The following EYS variants were observed in gnomAD, a reference collection of about 807,000 sequenced individuals.
EYS encodes the protein protein eyes shut homolog.
A neutral mutation model predicts 282.1 loss-of-function variants in EYS; 250 were observed. The ratio of observed to expected loss-of-function variants is 0.89; its 90% CI spans 0.80 to 0.98. EYS has a LOEUF of 0.98. Ranked by LOEUF, EYS falls within the 50% of genes least tolerant of loss-of-function variation. EYS has a pLI of 0.00. For missense variants in EYS, 4,016 were observed against 3,709.0 expected (o/e 1.08, Z -2.15); for synonymous variants, 1,355 against 1,282.9 (o/e 1.06, Z -1.20).
At chr6:65,490,824 G>A in intron 4 of EYS, 117 bp from the exon 5 acceptor site, 1 of 689,526 alleles carries the variant, frequency 1.5e-6, no homozygotes, top group Non-Finnish European at 2.6e-6. Context: ...TTTCAGTTAT[G>A]AAACCATGTT....
At chr6:64,469,657 G>A (rs1776045699) in intron 26 of EYS, among the ~76,000 whole-genome samples, 1 of 151,990 alleles carries the variant, frequency 6.6e-6, no homozygotes, top group Non-Finnish European at 1.5e-5. Flanking sequence ...TAGGGATAGC[G>A]TTAGTGTCAA....
intron 36 of EYS, among the ~76,000 whole-genome samples, chr6:63,842,193 C>T (rs1407259913): frequency 6.6e-6 from 1 of 152,170 alleles, no homozygotes; most frequent in African/African-American, 2.4e-5. Flanking sequence ...ACACTGGCTT[C>T]CACAATGGTT....
At chr6:64,597,595 A>G (rs1283834803) in intron 24 of EYS, among the ~76,000 whole-genome samples, 1 of 152,148 alleles carries the variant, frequency 6.6e-6, no homozygotes. Context: ...CCAACATGAA[A>G]CAACCCAGAC....
intron 2 of EYS, among the ~76,000 whole-genome samples, chr6:65,584,329 C>T (rs960503818): frequency 2.0e-5 from 3 of 151,990 alleles, no homozygotes; most frequent in Non-Finnish European, 4.4e-5. Context: ...CTGGCATCTA[C>T]TAGGTAAAAT....
chr6:65,417,789 G>A (rs1767297538), intron 5 of EYS, among the ~76,000 whole-genome samples: 2 of 152,002 alleles, frequency 1.3e-5, no homozygotes, highest in South Asian at 4.1e-4. Flanking sequence ...GAGGCACAAG[G>A]AGGATAGTCT....
intron 21 of EYS, among the ~76,000 whole-genome samples, chr6:64,820,898 C>T (rs1764878703): frequency 6.6e-6 from 1 of 152,036 alleles, no homozygotes; most frequent in Non-Finnish European, 1.5e-5. Flanking sequence ...CTATGTTTTA[C>T]TGACGAGGGA....
At chr6:63,984,349 A>G (rs1267891160) in intron 35 of EYS, 34 bp downstream of exon 35, 1 of 1,400,964 alleles carries the variant, frequency 7.1e-7, no homozygotes, top group Non-Finnish European at 9.9e-7. Context: ...GGAGTCATGT[A>G]ACGTAGGTTG....
intron 14 of EYS, among the ~76,000 whole-genome samples, chr6:64,983,431 T>A (rs902711201): frequency 1.3e-5 from 2 of 151,212 alleles, no homozygotes; most frequent in African/African-American, 2.4e-5. Flanking sequence ...AGATAATAAA[T>A]ATATATAGCT....
intron 37 of EYS, among the ~76,000 whole-genome samples, chr6:63,802,321 G>A (rs146467517): frequency 2.2e-4 from 34 of 152,112 alleles, no homozygotes; most frequent in African/African-American, 7.7e-4. Context: ...AGAGGAGGGA[G>A]AGCATTAGGA....
chr6:65,687,608 A>T (rs937307616), intron 1 of EYS, among the ~76,000 whole-genome samples: 2 of 152,146 alleles, frequency 1.3e-5, no homozygotes, highest in African/African-American at 4.8e-5. Context: ...AAGGAAATAA[A>T]GGGCATTCAA....
At position 64,373,960 on chromosome 6, in the gene EYS, C is replaced by A. The variant is rs1037356951; in HGVS notation, c.6078+14730G>T. 7.2e-5 allele frequency among the ~76,000 whole-genome samples: 11 copies of A among 151,974 alleles called. No homozygotes were observed. The South Asian group carries it at 1.0e-3, about 14-fold the overall frequency. ...TAATAGGCATTAGCTGCCTGGCTAT[C>A]AGCAGCTGGGGTGTGTGGGGATGCC... On this transcript the variant is annotated intron_variant, in intron 29 of 42. Transcript: ENST00000503581.
At chr6:64,780,702 AT>A (rs1773832201) in intron 22 of EYS, among the ~76,000 whole-genome samples, 1 of 152,218 alleles carries the variant, frequency 6.6e-6, no homozygotes, top group Non-Finnish European at 1.5e-5. Context: ...AAGGCAAAAA[AT>A]AAATTAATTC....
chr6:65,233,999 C>A lies in EYS; in HGVS notation c.2023+61864G>T, dbSNP rs147500218. ...TCCAAAGGGACATCCTGGGCTGTCT[C>A]TCTTCCTGATTCTATCACATTTCCG... On this transcript the variant is annotated intron_variant, in intron 12 of 42. Transcript: ENST00000503581. Among the ~76,000 whole-genome samples the A allele has an allele frequency of 1.8e-3, 269 of 152,296 alleles. 2 individuals carry two copies. Among genetic ancestry groups the A allele is most frequent in the Non-Finnish European group, 2.5e-3 (173 of 68,026 alleles).
intron 13 of EYS, among the ~76,000 whole-genome samples, chr6:65,030,096 T>G (rs1772549552): frequency 6.6e-6 from 1 of 152,274 alleles, no homozygotes; most frequent in Admixed American, 6.5e-5. Flanking sequence ...CAGCTAGGGA[T>G]GTACATCCCC....
At chr6:65,041,362 A>G (rs1470309337) in intron 13 of EYS, among the ~76,000 whole-genome samples, 1 of 151,564 alleles carries the variant, frequency 6.6e-6, no homozygotes, top group African/African-American at 2.4e-5. Context: ...AAGAGTTAAG[A>G]TATGTCCTCA....
At chr6:64,315,505 GA>G (rs1353780079) in intron 29 of EYS, among the ~76,000 whole-genome samples, 3 of 149,746 alleles carry the variant, frequency 2.0e-5, no homozygotes, top group African/African-American at 7.4e-5. Context: ...GAACGTCGAT[GA>G]GAAAATCCTC....
intron 5 of EYS, among the ~76,000 whole-genome samples, chr6:65,487,715 T>C (rs1394964376): frequency 6.6e-6 from 1 of 152,168 alleles, no homozygotes; most frequent in African/African-American, 2.4e-5. Flanking sequence ...GATTCTCTCT[T>C]TTTCTATTGA....
rs190345791 is a variant in EYS at position 65,075,788 on chromosome 6, C to G, written c.2024-18061G>C. On this transcript the variant is annotated intron_variant, in intron 12 of 42. Coordinates refer to ENST00000503581, the MANE Select transcript of EYS (RefSeq NM_001142800.2). The stretch of plus-strand genomic sequence containing the variant: ...AACTCTTGGAGAATTGTTAACATGT[C>G]AATTCTAACCTCTAGTGAGTTGAAA... Among the ~76,000 whole-genome samples the G allele has an allele frequency of 9.9e-4, 151 of 152,008 alleles. 2 individuals are homozygous for G. Among genetic ancestry groups the G allele is most frequent in the Admixed American group, 9.6e-3 (146 of 15,224 alleles).
chr6:64,192,187 T>A (rs1765134938), intron 31 of EYS, among the ~76,000 whole-genome samples: 2 of 148,138 alleles, frequency 1.4e-5, no homozygotes, highest in Admixed American at 1.4e-4. Context: ...TTTGTTTTTT[T>A]CTTGTAAATT....
Sources: gnomAD v4.1 joint callset for allele counts (sites outside exome capture counted in the v4.1 genomes callset) on GRCh38, gnomAD v4.1.1 for gene constraint, MANE v1.5 for transcripts, NCBI Gene and HGNC (gene_info 2026-07-23, HGNC 2026-07-21) for gene names.